Variants in COMMD10 observed in about 807,000 individuals in gnomAD.
The protein encoded by COMMD10 is COMM domain-containing protein 10.
COMMD10 carries 33 observed loss-of-function variants against 28.9 expected under a neutral mutation model. That is an observed-to-expected ratio of 1.14 (90% CI 0.87 to 1.53). The LOEUF is 1.53. COMMD10 is among the 40% of genes most tolerant of loss of function. COMMD10 has a pLI of 0.00. For missense variants in COMMD10, 310 were observed against 233.4 expected (o/e 1.33, Z -2.14); for synonymous variants, 110 against 81.7 (o/e 1.35, Z -1.87).
intron 5 of COMMD10, among the ~76,000 whole-genome samples, chr5:116,213,895 A>G (rs922909247): frequency 6.6e-6 from 1 of 152,072 alleles, no homozygotes; most frequent in Non-Finnish European, 1.5e-5. Context: ...ACAAAAAGGA[A>G]TTTTTTTGTA....
intron 5 of COMMD10, among the ~76,000 whole-genome samples, chr5:116,176,546 A>G (rs187616209): frequency 2.6e-4 from 39 of 152,218 alleles, no homozygotes; most frequent in Admixed American, 2.2e-3. Context: ...TAAAGTCCCT[A>G]AGTTCATGTT....
At chr5:116,136,190 A>G (rs1056351971) in intron 5 of COMMD10, among the ~76,000 whole-genome samples, 4 of 151,656 alleles carry the variant, frequency 2.6e-5, no homozygotes, top group Non-Finnish European at 5.9e-5. Context: ...TTTTTTCTTG[A>G]TTATATTTTT....
rs542082035 is a variant in COMMD10, at chr5:116,261,060, T to G, written c.511-30457T>G. Among the ~76,000 whole-genome samples, 16 of 151,918 alleles carry G rather than the reference T, an allele frequency of 1.1e-4. 1 individual carries two copies. Among genetic ancestry groups the G allele is most frequent in the African/African-American group, 3.9e-4 (16 of 41,308 alleles). On this transcript the variant is annotated intron_variant, in intron 5 of 6. Coordinates refer to ENST00000274458, the MANE Select transcript of COMMD10 (RefSeq NM_016144.4). ...TTTTCTAGTAAAGCCAAGTCCTACT[T>G]GAGAGACATCAGTAGCCTATGGAAA...
At chr5:116,238,617 A>T (rs1187233777) in intron 5 of COMMD10, among the ~76,000 whole-genome samples, 2 of 152,174 alleles carry the variant, frequency 1.3e-5, no homozygotes, top group Non-Finnish European at 2.9e-5. Context: ...TTTGAAAATT[A>T]AAAAATATGT....
chr5:116,269,289 T>C (rs963833105), intron 5 of COMMD10, among the ~76,000 whole-genome samples: 1 of 151,718 alleles, frequency 6.6e-6, no homozygotes, highest in Non-Finnish European at 1.5e-5. Context: ...AGAGGAAAGA[T>C]TTTCTCCCAA....
intron 5 of COMMD10, among the ~76,000 whole-genome samples, chr5:116,250,355 T>C (rs1750074711): frequency 6.6e-6 from 1 of 151,814 alleles, no homozygotes; most frequent in African/African-American, 2.4e-5. Context: ...GAACAATTTA[T>C]ATTGAAATGC....
intron 5 of COMMD10, among the ~76,000 whole-genome samples, chr5:116,263,724 T>G (rs947334047): frequency 6.6e-6 from 1 of 151,792 alleles, no homozygotes; most frequent in African/African-American, 2.4e-5. Flanking sequence ...CTAGAAAATA[T>G]TTAAATTTAC....
chr5:116,115,416 C>A (rs1418963550), intron 4 of COMMD10, among the ~76,000 whole-genome samples: 1 of 152,168 alleles, frequency 6.6e-6, no homozygotes, highest in Non-Finnish European at 1.5e-5. Flanking sequence ...TGTTAAATGC[C>A]TGTGTTCTGT....
In COMMD10 at chr5:116,291,514, C is replaced by A. The variant is rs1265827151; in HGVS notation, c.511-3C>A. ...TTCTTTTTGTTGTTTTTCTTCCTTA[C>A]AGAGCCTGGAGAAAGTTCTTGTGGA... is the stretch of plus-strand genomic sequence containing the variant. On this transcript the variant is annotated splice_polypyrimidine_tract_variant and splice_region_variant and intron_variant, in intron 5 of 6. Coordinates refer to ENST00000274458, the MANE Select transcript of COMMD10 (RefSeq NM_016144.4). 2 of 1,596,026 alleles carry A rather than the reference C, an allele frequency of 1.3e-6. No homozygotes were observed. Among genetic ancestry groups the A allele is most frequent in the African/African-American group, 1.3e-5 (1 of 74,476 alleles).
chr5:116,256,013 C>T lies in COMMD10; in HGVS notation c.511-35504C>T, dbSNP rs866792445. On this transcript the variant is annotated intron_variant, in intron 5 of 6. Transcript: ENST00000274458. Reference sequence around the variant, plus strand: ...ATGGATATGCATATTGAGCTATTTTCGTATTCAATCTCAGCTAAATAAAGT... The same window carrying T: ...ATGGATATGCATATTGAGCTATTTTTGTATTCAATCTCAGCTAAATAAAGT... Among the ~76,000 whole-genome samples the T allele has an allele frequency of 2.7e-4, 41 of 151,636 alleles. 1 individual carries two copies. Among genetic ancestry groups the T allele is most frequent in the African/African-American group, 9.0e-4 (37 of 41,224 alleles).
At chr5:116,268,957 G>T (rs1390225776) in intron 5 of COMMD10, among the ~76,000 whole-genome samples, 1 of 151,512 alleles carries the variant, frequency 6.6e-6, no homozygotes, top group African/African-American at 2.4e-5. Context: ...TGGGGTGGGG[G>T]GAAGGGAAAG....
chr5:116,263,893 G>T (rs972722951), intron 5 of COMMD10, among the ~76,000 whole-genome samples: 37 of 151,590 alleles, frequency 2.4e-4, no homozygotes, highest in African/African-American at 8.3e-4. Context: ...ATGTTCTCAG[G>T]ACCTCCTGAG....
chr5:116,135,698 C>G (rs535902470), intron 5 of COMMD10, among the ~76,000 whole-genome samples: 8 of 152,250 alleles, frequency 5.3e-5, no homozygotes, highest in African/African-American at 1.9e-4. Flanking sequence ...TTGTTAATCT[C>G]TTACAGTGCC....
At chr5:116,114,716 G>T (rs989155912) in intron 4 of COMMD10, among the ~76,000 whole-genome samples, 6 of 152,202 alleles carry the variant, frequency 3.9e-5, no homozygotes, top group African/African-American at 1.4e-4. Context: ...ACTGGTCCCA[G>T]TGGTTTCAGC....
At chr5:116,231,846 GA>G (rs200937792) in intron 5 of COMMD10, among the ~76,000 whole-genome samples, 64 of 148,056 alleles carry the variant, frequency 4.3e-4, no homozygotes, top group South Asian at 4.3e-3. Flanking sequence ...AGACAATCCA[GA>G]AAAAAAAACA....
At chr5:116,223,680 T>C (rs1249673697) in intron 5 of COMMD10, among the ~76,000 whole-genome samples, 2 of 152,064 alleles carry the variant, frequency 1.3e-5, no homozygotes, top group Non-Finnish European at 2.9e-5. Flanking sequence ...GGAGAGAATG[T>C]TATTGGAGTG....
chr5:116,215,857 A>G (rs541201525), intron 5 of COMMD10, among the ~76,000 whole-genome samples: 2 of 151,338 alleles, frequency 1.3e-5, no homozygotes, highest in Non-Finnish European at 3.0e-5. Flanking sequence ...TTCTTTTAAA[A>G]AAAAATTAAC....
chr5:116,215,216 GT>G (rs1749064706), intron 5 of COMMD10, among the ~76,000 whole-genome samples: 1 of 151,812 alleles, frequency 6.6e-6, no homozygotes, highest in Admixed American at 6.6e-5. Flanking sequence ...AAAAATTTGG[GT>G]GTTATGGAAT....
intron 5 of COMMD10, among the ~76,000 whole-genome samples, chr5:116,153,612 T>G (rs1165945445): frequency 9.3e-6 from 1 of 107,166 alleles, no homozygotes; most frequent in African/African-American, 2.5e-5. Context: ...TCATTGGAGC[T>G]TTGCAATTAA....
Sources: gnomAD v4.1 joint callset for allele counts (sites outside exome capture counted in the v4.1 genomes callset) on GRCh38, gnomAD v4.1.1 for gene constraint, MANE v1.5 for transcripts, NCBI Gene and HGNC (gene_info 2026-07-23, HGNC 2026-07-21) for gene names.